RNF150: variants seen among roughly 807,000 people sequenced by gnomAD.
The protein encoded by RNF150 is ring finger protein 150.
Under a neutral mutation model 39.3 loss-of-function variants are expected in RNF150, and 24 were observed. The observed-to-expected ratio is 0.61, with a 90% confidence interval of 0.44 to 0.86. The LOEUF is 0.86. Among genes scored for constraint, RNF150 ranks in the 40% least tolerant of loss-of-function variants. The pLI is 0.00. For synonymous variants in RNF150, 255 were observed against 227.3 expected (o/e 1.12, Z -1.10); for missense variants, 502 against 587.8 (o/e 0.85, Z 1.51).
At chr4:141,115,191 G>T (rs1220464469) in intron 1 of RNF150, among the ~76,000 whole-genome samples, 1 of 152,204 alleles carries the variant, frequency 6.6e-6, no homozygotes, top group African/African-American at 2.4e-5. Flanking sequence ...AGGAAGAGAG[G>T]AAGTCAAATT....
intron 1 of RNF150, among the ~76,000 whole-genome samples, chr4:141,168,098 AAAAC>A (rs1237152340): frequency 7.2e-5 from 11 of 152,186 alleles, no homozygotes; most frequent in Admixed American, 3.9e-4. Flanking sequence ...AATTTACAAG[AAAAC>A]AAACAAACAA....
chr4:140,874,834 A>AT (rs776004036), intron 6 of RNF150, among the ~76,000 whole-genome samples: 20 of 151,844 alleles, frequency 1.3e-4, no homozygotes, highest in Non-Finnish European at 2.2e-4. Flanking sequence ...ATTTTATTTT[A>AT]TTTTTTTTAA....
intron 1 of RNF150, among the ~76,000 whole-genome samples, chr4:141,186,679 A>C (rs1002683478): frequency 6.6e-6 from 1 of 152,056 alleles, no homozygotes; most frequent in Non-Finnish European, 1.5e-5. Context: ...TGCTGGGATT[A>C]CAGGCATGAG....
chr4:141,020,559 C>G (rs1299242837), intron 1 of RNF150, among the ~76,000 whole-genome samples: 1 of 152,096 alleles, frequency 6.6e-6, no homozygotes, highest in African/African-American at 2.4e-5. Flanking sequence ...TTTTGTTTAT[C>G]CTGTTTATTG....
intron 1 of RNF150, among the ~76,000 whole-genome samples, chr4:140,969,053 C>T (rs1028987426): frequency 6.6e-6 from 1 of 151,992 alleles, no homozygotes; most frequent in African/African-American, 2.4e-5. Context: ...TTAAACTCCA[C>T]TACAGCTGCT....
At chr4:140,931,158 G>A (rs1731620313) in intron 4 of RNF150, among the ~76,000 whole-genome samples, 1 of 151,928 alleles carries the variant, frequency 6.6e-6, no homozygotes, top group South Asian at 2.1e-4. Flanking sequence ...CTCCTTAATT[G>A]TAAACTACCA....
At chr4:141,003,299 C>G (rs1281330275) in intron 1 of RNF150, among the ~76,000 whole-genome samples, 16 of 152,100 alleles carry the variant, frequency 1.1e-4, no homozygotes, top group Non-Finnish European at 2.4e-4. Context: ...AGTACATGTA[C>G]TCGTAGGATA....
intron 1 of RNF150, among the ~76,000 whole-genome samples, chr4:141,144,790 T>C (rs1252125756): frequency 3.9e-5 from 6 of 152,146 alleles, no homozygotes; most frequent in African/African-American, 1.4e-4. Flanking sequence ...AAGCAGGGAC[T>C]TTAGTTATAT....
Position 140,866,561 on chromosome 4 carries a change from T to C in RNF150, c.*1700A>G, listed in dbSNP as rs2111171984. ...TACTTACAAACCATCAAATAGGAAA[T>C]TGGTAAAGGTGGTGAAAAAGGAGCA... On this transcript the variant is annotated 3_prime_UTR_variant, in exon 7 of 7. Coordinates refer to ENST00000515673, the MANE Select transcript of RNF150 (RefSeq NM_020724.2). 6.6e-6 allele frequency: 1 copy of C among 152,178 alleles called. No individual in the cohort carries two copies. The highest frequency in any genetic ancestry group is 1.5e-5 in the Non-Finnish European group (1 of 67,996). The allele number at this position is 152,178 out of a possible 1,614,324, so 9.4% of individuals were successfully genotyped here.
At chr4:141,104,229 AT>A (rs1739120835) in intron 1 of RNF150, among the ~76,000 whole-genome samples, 1 of 152,150 alleles carries the variant, frequency 6.6e-6, no homozygotes, top group Non-Finnish European at 1.5e-5. Context: ...ACTCCAATGT[AT>A]TAGAGCTCAA....
chr4:140,895,636 T>C (rs1476928047), intron 6 of RNF150, among the ~76,000 whole-genome samples: 1 of 152,218 alleles, frequency 6.6e-6, no homozygotes, highest in East Asian at 1.9e-4. Context: ...AGTTACCAAC[T>C]CTTAGTTCTG....
chr4:141,175,172 G>A (rs1042977215), intron 1 of RNF150, among the ~76,000 whole-genome samples: 2 of 152,174 alleles, frequency 1.3e-5, no homozygotes, highest in Non-Finnish European at 1.5e-5. Context: ...AGGCAATATA[G>A]CTTAGTCTGG....
chr4:141,052,438 C>T (rs554338231), intron 1 of RNF150, among the ~76,000 whole-genome samples: 64 of 152,216 alleles, frequency 4.2e-4, no homozygotes, highest in African/African-American at 1.5e-3. Context: ...TGCAGTGGCG[C>T]GATCTTGGCT....
intron 1 of RNF150, among the ~76,000 whole-genome samples, chr4:141,013,485 T>C (rs1053121883): frequency 6.6e-6 from 1 of 152,186 alleles, no homozygotes; most frequent in South Asian, 2.1e-4. Context: ...GTGTTGAAAG[T>C]TCTTTTGAGT....
At chr4:141,186,606 C>T (rs1318742851) in intron 1 of RNF150, among the ~76,000 whole-genome samples, 1 of 151,680 alleles carries the variant, frequency 6.6e-6, no homozygotes, top group Non-Finnish European at 1.5e-5. Context: ...AGGGTTTCAC[C>T]ATGTTAGCCA....
chr4:141,184,189 T>C (rs546907453), intron 1 of RNF150, among the ~76,000 whole-genome samples: 3 of 152,350 alleles, frequency 2.0e-5, no homozygotes, highest in African/African-American at 7.2e-5. Context: ...GAATTTTTAA[T>C]GATCACCATT....
intron 1 of RNF150, among the ~76,000 whole-genome samples, chr4:141,024,404 TTTAA>T (rs1036246096): frequency 1.3e-5 from 2 of 152,162 alleles, no homozygotes; most frequent in Admixed American, 6.5e-5. Flanking sequence ...ATGTTAGATA[TTTAA>T]TTAAACATGT....
At chr4:140,978,492 C>G (rs1429689262) in intron 1 of RNF150, among the ~76,000 whole-genome samples, 1 of 152,090 alleles carries the variant, frequency 6.6e-6, no homozygotes, top group Non-Finnish European at 1.5e-5. Flanking sequence ...TGTAGACATT[C>G]CTATTCTACA....
intron 1 of RNF150, among the ~76,000 whole-genome samples, chr4:140,990,273 T>C (rs576258495): frequency 2.0e-4 from 31 of 152,358 alleles, no homozygotes; most frequent in African/African-American, 6.7e-4. Flanking sequence ...AAATTACCAT[T>C]ATTTTCTCTT....
Sources: gnomAD v4.1 joint callset for allele counts (sites outside exome capture counted in the v4.1 genomes callset) on GRCh38, gnomAD v4.1.1 for gene constraint, MANE v1.5 for transcripts, NCBI Gene and HGNC (gene_info 2026-07-23, HGNC 2026-07-21) for gene names.